Variants in PLOD2 observed in about 807,000 individuals in gnomAD.
PLOD2 encodes the protein lysine hydroxylase 2.
In PLOD2, 65 loss-of-function variants were observed where a neutral mutation model predicts 101.0. That is an observed-to-expected ratio of 0.64 (90% CI 0.53 to 0.79). The LOEUF is 0.79. Ranked by LOEUF, PLOD2 falls within the 30% of genes least tolerant of loss-of-function variation. PLOD2 has a pLI of 0.00. For synonymous variants in PLOD2, 314 were observed against 302.9 expected (o/e 1.04, Z -0.38); for missense variants, 909 against 914.6 (o/e 0.99, Z 0.08).
chr3:146,100,482 T>C (rs1339122226), intron 7 of PLOD2, among the ~76,000 whole-genome samples: 1 of 151,990 alleles, frequency 6.6e-6, no homozygotes, highest in Non-Finnish European at 1.5e-5. Flanking sequence ...TACAAAAGCA[T>C]ACAAGAGACC....
intron 1 of PLOD2, among the ~76,000 whole-genome samples, chr3:146,143,908 T>A (rs2108129109): frequency 6.6e-6 from 1 of 152,162 alleles, no homozygotes; most frequent in South Asian, 2.1e-4. Flanking sequence ...TGACTGTCAA[T>A]CTGATCTCTT....
chr3:146,137,691 C>T (rs556606588), intron 1 of PLOD2, among the ~76,000 whole-genome samples: 1 of 152,152 alleles, frequency 6.6e-6, no homozygotes, highest in Admixed American at 6.5e-5. Flanking sequence ...TTGGGTCACA[C>T]CCCAAGAGTT....
chr3:146,147,466 CTG>C (rs2031835343), intron 1 of PLOD2, among the ~76,000 whole-genome samples: 1 of 152,140 alleles, frequency 6.6e-6, no homozygotes. Context: ...TGCCATCAGA[CTG>C]TAGCAGAGTT....
intron 1 of PLOD2, among the ~76,000 whole-genome samples, chr3:146,142,747 G>T (rs754180210): frequency 6.6e-6 from 1 of 151,980 alleles, no homozygotes; most frequent in Non-Finnish European, 1.5e-5. Flanking sequence ...AATAACAAAC[G>T]ATAAAAGCTA....
chr3:146,097,306 G>A (rs1214652667), intron 7 of PLOD2, among the ~76,000 whole-genome samples: 5 of 148,818 alleles, frequency 3.4e-5, no homozygotes, highest in African/African-American at 1.2e-4. Context: ...TGTGCCCAGC[G>A]GCTCATTGGG....
intron 1 of PLOD2, among the ~76,000 whole-genome samples, chr3:146,146,476 A>G (rs980998185): frequency 2.0e-5 from 3 of 152,158 alleles, no homozygotes; most frequent in African/African-American, 7.2e-5. Flanking sequence ...TCTAGGGTCA[A>G]TCTCACACTT....
chr3:146,120,014 C>T (rs1464283072), intron 3 of PLOD2, among the ~76,000 whole-genome samples: 1 of 151,912 alleles, frequency 6.6e-6, no homozygotes. Flanking sequence ...TGAGGAATCA[C>T]CACACTGACT....
Position 146,161,042 on chromosome 3 carries a change from G to A in PLOD2, c.-53C>T, listed in dbSNP as rs1251061312. 1.6e-6 allele frequency: 2 copies of A among 1,269,474 alleles called. No homozygotes were observed. Among genetic ancestry groups the A allele is most frequent in the East Asian group, 2.5e-5 (1 of 39,236 alleles). 78.6% of individuals were successfully genotyped at this position (1,269,474 alleles called of 1,614,324 possible). The stretch of plus-strand genomic sequence containing the variant: ...CAGGCGCCCACGGCCCCGCAGCGCC[G>A]CGCTTCTCGCGAGAACGCAGAGACC... On this transcript the variant is annotated 5_prime_UTR_variant, in exon 1 of 20. Transcript: ENST00000282903.
At chr3:146,113,881 T>C (rs980215867) in intron 3 of PLOD2, among the ~76,000 whole-genome samples, 1 of 152,202 alleles carries the variant, frequency 6.6e-6, no homozygotes, top group Non-Finnish European at 1.5e-5. Context: ...CATATTTCTC[T>C]TCTTACAAAA....
chr3:146,123,231 T>A lies in PLOD2; in HGVS notation c.201+907A>T, dbSNP rs554639699. ...CCAAAAAGTAATCTTTCTTCTTTTT[T>A]AAAAAAAAAGTTTTTTGCTTTTTGT... On this transcript the variant is annotated intron_variant, in intron 2 of 19. Transcript: ENST00000282903. The A allele has an allele frequency of 2.0e-4, 167 of 825,896 alleles. 1 individual carries two copies. The South Asian group carries it at 3.0e-3, about 15-fold the overall frequency. 51.2% of individuals were successfully genotyped at this position (825,896 alleles called of 1,614,324 possible).
chr3:146,102,923 G>C, intron 6 of PLOD2, 71 bp from the exon 7 acceptor site: 1 of 747,394 alleles, frequency 1.3e-6, no homozygotes, highest in Non-Finnish European at 2.4e-6. Context: ...TCGTGTGTCT[G>C]TGTGTGTATG....
rs993314647 is a variant in PLOD2, at chr3:146,081,877, G to A, written c.1233-14C>T. The A allele has an allele frequency of 6.2e-7, 1 of 1,607,784 alleles. No homozygotes were observed. The highest frequency in any genetic ancestry group is 1.3e-5 in the African/African-American group (1 of 74,908). ...GCAATGATCTTTCTAAAGACAGAGA[G>A]AGTGTGTGTGAGAGAGAGAAACCTA... On this transcript the variant is annotated splice_polypyrimidine_tract_variant and intron_variant, in intron 11 of 19. Coordinates refer to ENST00000282903, the MANE Select transcript of PLOD2 (RefSeq NM_182943.3).
At chr3:146,145,172 C>T (rs1023549832) in intron 1 of PLOD2, among the ~76,000 whole-genome samples, 2 of 152,146 alleles carry the variant, frequency 1.3e-5, no homozygotes, top group African/African-American at 4.8e-5. Flanking sequence ...ATCACCAAAA[C>T]AAATCCAGAT....
intron 7 of PLOD2, among the ~76,000 whole-genome samples, chr3:146,092,289 A>T (rs1937001968): frequency 6.6e-6 from 1 of 152,076 alleles, no homozygotes; most frequent in South Asian, 2.1e-4. Context: ...TAATAAGATA[A>T]ACCTGTTTAA....
intron 7 of PLOD2, among the ~76,000 whole-genome samples, chr3:146,099,880 C>T (rs1045905979): frequency 8.9e-4 from 115 of 129,278 alleles, no homozygotes; most frequent in African/African-American, 3.2e-3. Context: ...CAGTGACCAA[C>T]TTTTTTTTTT....
At chr3:146,117,528 T>C (rs558622840) in intron 3 of PLOD2, among the ~76,000 whole-genome samples, 1 of 152,262 alleles carries the variant, frequency 6.6e-6, no homozygotes, top group South Asian at 2.1e-4. Context: ...CTTCAATTGC[T>C]CATCCCTCTT....
chr3:146,145,937 T>C (rs1036687689), intron 1 of PLOD2, among the ~76,000 whole-genome samples: 3 of 152,128 alleles, frequency 2.0e-5, no homozygotes, highest in Admixed American at 6.6e-5. Flanking sequence ...AAATTGTAAT[T>C]AGGATTAAGT....
chr3:146,099,019 G>A (rs1035803033), intron 7 of PLOD2, among the ~76,000 whole-genome samples: 1 of 151,654 alleles, frequency 6.6e-6, no homozygotes, highest in Non-Finnish European at 1.5e-5. Flanking sequence ...AAATTTTCTC[G>A]AGTTTTTGTA....
chr3:146,120,581 A>G (rs2030047950), intron 3 of PLOD2, among the ~76,000 whole-genome samples: 1 of 152,234 alleles, frequency 6.6e-6, no homozygotes, highest in Admixed American at 6.5e-5. Flanking sequence ...TGTCTAAAAC[A>G]CCAAAAGTAA....
Sources: allele counts gnomAD v4.1 joint callset (sites outside exome capture counted in the v4.1 genomes callset), GRCh38; gene constraint gnomAD v4.1.1; transcripts MANE v1.5; gene names NCBI Gene and HGNC (gene_info 2026-07-23, HGNC 2026-07-21).